ZNF723: variants seen among roughly 807,000 people sequenced by gnomAD.
ZNF723 encodes the protein zinc finger protein 723, pseudogene.
Under a neutral mutation model 9.4 loss-of-function variants are expected in ZNF723, and 5 were observed. That is an observed-to-expected ratio of 0.53 (90% confidence interval 0.28 to 1.12). The LOEUF is 1.12. Ranked by LOEUF, ZNF723 falls within the 50% of genes most tolerant of loss-of-function variation. The probability of loss-of-function intolerance (pLI) is 0.10; values close to 1 mark genes in which losing one functional copy is unlikely to be tolerated. For synonymous variants in ZNF723, 158 were observed against 168.8 expected (o/e 0.94, Z 0.49); for missense variants, 450 against 501.5 (o/e 0.90, Z 0.98).
intron 1 of ZNF723, chr19:22,840,473 T>C (rs1967229501): frequency 6.6e-6 from 1 of 152,178 alleles, no homozygotes. Flanking sequence ...AACTGGCCTG[T>C]CCCGTTTCTT....
chr19:22,821,252 C>T, the ZNF723 span, among the ~76,000 whole-genome samples: 1 of 152,128 alleles, frequency 6.6e-6, no homozygotes, highest in Non-Finnish European at 1.5e-5. Flanking sequence ...TACCTTGGTC[C>T]AGCACCTGAG....
chr19:22,845,547 G>A (rs1175741682), intron 1 of ZNF723, among the ~76,000 whole-genome samples: 1 of 151,988 alleles, frequency 6.6e-6, no homozygotes, highest in Non-Finnish European at 1.5e-5. Flanking sequence ...TTCTGTTTGG[G>A]TTTGGTATGG....
chr19:22,843,632 A>AT (rs1967273956), intron 1 of ZNF723, among the ~76,000 whole-genome samples: 1 of 152,212 alleles, frequency 6.6e-6, no homozygotes, highest in South Asian at 2.1e-4. Flanking sequence ...TGGTTGATTC[A>AT]TTGAACAGAT....
At chr19:22,846,580 G>A (rs980347945) in intron 1 of ZNF723, among the ~76,000 whole-genome samples, 4 of 152,034 alleles carry the variant, frequency 2.6e-5, no homozygotes, top group Admixed American at 6.6e-5. Context: ...GCAAGATTGC[G>A]CCACTGCCCT....
At chr19:22,833,721 T>G (rs1967127607) in intron 1 of ZNF723, among the ~76,000 whole-genome samples, 1 of 151,834 alleles carries the variant, frequency 6.6e-6, no homozygotes, top group Non-Finnish European at 1.5e-5. Flanking sequence ...GCGATTCTCC[T>G]GCCTCAGCCT....
At chr19:22,833,865 T>G (rs1967129549) in intron 1 of ZNF723, among the ~76,000 whole-genome samples, 1 of 149,178 alleles carries the variant, frequency 6.7e-6, no homozygotes, top group Admixed American at 6.7e-5. Flanking sequence ...CTCGACCTCC[T>G]AAAGTGCTGG....
chr19:22,842,422 T>G (rs533964028), intron 1 of ZNF723, among the ~76,000 whole-genome samples: 18 of 152,288 alleles, frequency 1.2e-4, no homozygotes, highest in African/African-American at 4.3e-4. Context: ...TAATGATGTA[T>G]ATCCAATCAA....
Position 22,858,592 on chromosome 19 carries a change from C to T in ZNF723, c.*159C>T, listed in dbSNP as rs1027415303. 4.2e-6 allele frequency: 2 copies of T among 472,876 alleles called. No homozygotes were observed. The highest frequency in any genetic ancestry group is 7.3e-6 in the Non-Finnish European group (2 of 272,720). 29.3% of individuals were successfully genotyped at this position (472,876 alleles called of 1,614,324 possible). ...AGACCAACCTAACATGGTGAAACAA[C>T]GTCTCTACTAAAATACAAAAAAAAT... On this transcript the variant is annotated 3_prime_UTR_variant, in exon 4 of 4. Coordinates refer to ENST00000600766, the MANE Select transcript of ZNF723 (RefSeq NM_001349726.2).
At chr19:22,841,375 C>T (rs1167280139) in intron 1 of ZNF723, among the ~76,000 whole-genome samples, 1 of 152,176 alleles carries the variant, frequency 6.6e-6, no homozygotes. Context: ...ACTGTGGTGA[C>T]TGTCTTTCTG....
upstream of ZNF723, among the ~76,000 whole-genome samples, chr19:22,829,915 C>T (rs1189561853): frequency 6.6e-6 from 1 of 152,072 alleles, no homozygotes; most frequent in Non-Finnish European, 1.5e-5. Context: ...TTTCTGTATG[C>T]CACTTTGCTT....
intron 1 of ZNF723, among the ~76,000 whole-genome samples, chr19:22,837,209 C>G (rs796080284): frequency 6.7e-6 from 1 of 150,088 alleles, no homozygotes; most frequent in African/African-American, 2.5e-5. Context: ...AGGAGAATCA[C>G]TTGAACCCTG....
At chr19:22,852,547 A>G (rs1967412078) in intron 3 of ZNF723, among the ~76,000 whole-genome samples, 2 of 152,100 alleles carry the variant, frequency 1.3e-5, no homozygotes, top group South Asian at 4.1e-4. Flanking sequence ...TGTCATAAAC[A>G]TTTTACTAGT....
At chr19:22,853,676 T>G (rs1599480466) in intron 3 of ZNF723, among the ~76,000 whole-genome samples, 1 of 152,230 alleles carries the variant, frequency 6.6e-6, no homozygotes, top group Non-Finnish European at 1.5e-5. Context: ...CAGGCTGGAG[T>G]GCAATGGCCT....
chr19:22,844,961 G>GA (rs1259491125), intron 1 of ZNF723, among the ~76,000 whole-genome samples: 8 of 151,856 alleles, frequency 5.3e-5, no homozygotes, highest in African/African-American at 1.7e-4. Flanking sequence ...ACTAAAAATA[G>GA]AAAAAAAATT....
intron 3 of ZNF723, among the ~76,000 whole-genome samples, chr19:22,855,911 T>C (rs1193028529): frequency 6.6e-6 from 1 of 152,126 alleles, no homozygotes; most frequent in Non-Finnish European, 1.5e-5. Flanking sequence ...AGTTTGTTTG[T>C]TGAGCTTCTT....
chr19:22,832,761 T>C (rs1967113643), intron 1 of ZNF723, among the ~76,000 whole-genome samples: 1 of 152,186 alleles, frequency 6.6e-6, no homozygotes, highest in South Asian at 2.1e-4. Context: ...GTTCATCTTT[T>C]CTCTGAAATA....
rs1967504827 is a variant in ZNF723 at position 22,857,886 on chromosome 19, A to G, written c.995A>G (p.Lys332Arg). 2 of 1,424,078 alleles carry G rather than the reference A, an allele frequency of 1.4e-6. No individual in the cohort carries two copies. Among genetic ancestry groups the G allele is most frequent in the Admixed American group, 3.3e-5 (2 of 59,776 alleles). The allele number at this position is 1,424,078 out of a possible 1,614,324, so 88.2% of individuals were successfully genotyped here. A position where few individuals can be genotyped will look rare whatever the true frequency, so the allele number is the denominator to read the frequency against. The change falls in exon 4 of 4, where the codon AAG becomes AGG. Residue 332 changes from lysine (K) to arginine (R), a missense_variant. Coordinates refer to ENST00000600766, the MANE Select transcript of ZNF723 (RefSeq NM_001349726.2). ...CAGCCCTCACACCTTGCTACACATA[A>G]GAGAATTCATACTGGAGAGAAACTC... Reference protein sequence around the residue: ...FNQPSHLATHKRIHTGEKLYK... With the variant: ...FNQPSHLATHRRIHTGEKLYK...
At chr19:22,813,113 A>T in the ZNF723 span, among the ~76,000 whole-genome samples, 5 of 152,262 alleles carry the variant, frequency 3.3e-5, no homozygotes, top group African/African-American at 1.2e-4. Flanking sequence ...AGCTGGGATT[A>T]CAGGCACCCG....
intron 1 of ZNF723, 124 bp downstream of exon 1, chr19:22,832,506 C>T: frequency 9.3e-7 from 1 of 1,079,246 alleles, no homozygotes. Flanking sequence ...GGAGTTCTAG[C>T]CTGGCCCGGC....
Sources: gnomAD v4.1 joint callset for allele counts (sites outside exome capture counted in the v4.1 genomes callset) on GRCh38, gnomAD v4.1.1 for gene constraint, MANE v1.5 for transcripts, NCBI Gene and HGNC (gene_info 2026-07-23, HGNC 2026-07-21) for gene names.